The following ACLY variants were observed in gnomAD, a reference collection of about 807,000 sequenced individuals.
ACLY encodes ATP-citrate synthase.
ACLY carries 41 observed loss-of-function variants against 133.0 expected under a neutral mutation model. The ratio of observed to expected loss-of-function variants is 0.31; its 90% confidence interval spans 0.24 to 0.40. The LOEUF (loss-of-function observed/expected upper bound fraction) is 0.40, where lower values mean the gene tolerates loss of function less well. ACLY is among the 10% of genes least tolerant of loss of function. ACLY has a pLI of 1.00. For synonymous variants in ACLY, 495 were observed against 549.3 expected (o/e 0.90, Z 1.38); for missense variants, 1,046 against 1,453.8 (o/e 0.72, Z 4.56).
chr17:41,889,832 T>A (rs1169630826), intron 16 of ACLY, among the ~76,000 whole-genome samples: 1 of 151,950 alleles, frequency 6.6e-6, no homozygotes, highest in Non-Finnish European at 1.5e-5. Flanking sequence ...ACTACAGGTG[T>A]CTGCCACCAT....
At chr17:41,910,792 A>G (rs895094384) in intron 3 of ACLY, among the ~76,000 whole-genome samples, 1 of 152,192 alleles carries the variant, frequency 6.6e-6, no homozygotes. Flanking sequence ...CTGCAGAGCT[A>G]ATCAGTTCGA....
chr17:41,913,998 C>T (rs2049981032), intron 1 of ACLY, 102 bp from the exon 2 acceptor site: 3 of 1,149,134 alleles, frequency 2.6e-6, no homozygotes, highest in Admixed American at 2.2e-5. Context: ...GACAATAAAA[C>T]CAGATCTCAG....
chr17:41,913,464 TAA>T (rs1282492699), intron 2 of ACLY, among the ~76,000 whole-genome samples: 1 of 152,230 alleles, frequency 6.6e-6, no homozygotes, highest in Non-Finnish European at 1.5e-5. Context: ...ACATGGTTAA[TAA>T]ACACAGCTTT....
rs2048503974 is a variant in ACLY at position 41,867,912 on chromosome 17, G to A, written c.3212-8C>T. On this transcript the variant is annotated splice_polypyrimidine_tract_variant and splice_region_variant and intron_variant, in intron 28 of 28. Transcript: ENST00000352035. ...TCTGATCAAGATAGTGTCCTAAAAT[G>A]AAGCAAACACATCTTTTTTATTAGA... 6.3e-6 allele frequency: 10 copies of A among 1,595,900 alleles called. No individual in the cohort carries two copies. Among genetic ancestry groups the A allele is most frequent in the African/African-American group, 1.3e-5 (1 of 74,150 alleles).
Position 41,867,893 on chromosome 17 carries a change from C to T in ACLY, c.3223G>A (p.Asp1075Asn). 6.2e-7 allele frequency: 1 copy of T among 1,609,666 alleles called. No individual in the cohort carries two copies. The highest frequency in any genetic ancestry group is 8.5e-7 in the Non-Finnish European group (1 of 1,177,766). The change falls in exon 29 of 29, where the codon GAT becomes AAT. Residue 1075 changes from aspartate to asparagine, a missense_variant. Asp to Asn is a conservative substitution (Grantham distance 23). Transcript: ENST00000352035. Reference protein sequence around the residue: ...RSMGFIGHYLDQKRLKQGLYR... With the variant: ...RSMGFIGHYLNQKRLKQGLYR... ...AGCCCCTGCTTCAGCCTCTTCTGAT[C>T]AAGATAGTGTCCTAAAATGAAGCAA...
At chr17:41,878,733 C>A in intron 21 of ACLY, 64 bp downstream of exon 21, 1 of 1,602,116 alleles carries the variant, frequency 6.2e-7, no homozygotes, top group Non-Finnish European at 8.5e-7. Flanking sequence ...GTGGGAGAGG[C>A]TGCTGTCTCA....
At chr17:41,872,414 C>A (rs1434842929) in intron 23 of ACLY, among the ~76,000 whole-genome samples, 1 of 152,192 alleles carries the variant, frequency 6.6e-6, no homozygotes, top group East Asian at 1.9e-4. Context: ...CAACCTCCAC[C>A]TCCTAGGTTC....
In ACLY at chr17:41,911,701, G is replaced by A. The variant is rs568948783; in HGVS notation, c.282+719C>T. 4.9e-4 allele frequency among the ~76,000 whole-genome samples: 74 copies of A among 152,144 alleles called. No homozygotes were observed. The Middle Eastern group carries it at 0.014, about 28-fold the overall frequency. On this transcript the variant is annotated intron_variant, in intron 3 of 28. Coordinates refer to ENST00000352035, the MANE Select transcript of ACLY (RefSeq NM_001096.3). Reference sequence around the variant, plus strand: ...GATGGTGGCATGCACCTATAGTCCCGGATACTCAGGAAGCTGAGGTGGGAG... The same window carrying A: ...GATGGTGGCATGCACCTATAGTCCCAGATACTCAGGAAGCTGAGGTGGGAG...
rs782215204 is a variant in ACLY at position 41,913,809 on chromosome 17, G to A, written c.65C>T (p.Thr22Ile). Reference protein sequence around the residue: ...KELLYKFICTTSAIQNRFKYA... With the variant: ...KELLYKFICTISAIQNRFKYA... ...CTTGAACCGATTCTGGATGGCTGAG[G>A]TGGTACAGATGAACTTGTAAAGGAG... The change falls in exon 2 of 29, where the codon ACC becomes ATC. Residue 22 changes from threonine (T) to isoleucine (I), a missense_variant. Around this residue, in one of 4 missense-constraint regions of ACLY, gnomAD observed 227 missense variants for 245.6 expected, o/e 0.92. Coordinates refer to ENST00000352035, the MANE Select transcript of ACLY (RefSeq NM_001096.3). 5 of 1,614,254 alleles carry A rather than the reference G, an allele frequency of 3.1e-6. No individual in the cohort carries two copies. Among genetic ancestry groups the A allele is most frequent in the East Asian group, 4.5e-5 (2 of 44,884 alleles).
At position 41,867,708 on chromosome 17, in the gene ACLY, C is replaced by T; in HGVS notation, c.*102G>A. ...CCCCAGTGGCTGTTTACATTCCAGG[C>T]CCCTGCTAAATAAAGCAGGCTCCAC... On this transcript the variant is annotated 3_prime_UTR_variant, in exon 29 of 29. Coordinates refer to ENST00000352035, the MANE Select transcript of ACLY (RefSeq NM_001096.3). 1.1e-6 allele frequency: 1 copy of T among 881,996 alleles called. No homozygotes were observed. The highest frequency in any genetic ancestry group is 1.7e-6 in the Non-Finnish European group (1 of 580,386). 54.6% of individuals were successfully genotyped at this position (881,996 alleles called of 1,614,324 possible).
At chr17:41,913,955 C>T in intron 1 of ACLY, 59 bp from the exon 2 acceptor site, 1 of 1,550,810 alleles carries the variant, frequency 6.4e-7, no homozygotes, top group Non-Finnish European at 8.8e-7. Flanking sequence ...ACTATCTTCC[C>T]CAGCAGGGCA....
chr17:41,909,532 G>T lies in ACLY; in HGVS notation c.514C>A (p.His172Asn). The T allele has an allele frequency of 6.2e-7, 1 of 1,614,090 alleles. No individual in the cohort carries two copies. The highest frequency in any genetic ancestry group is 8.5e-7 in the Non-Finnish European group (1 of 1,180,002). ...AACTCTTTCTTGTCTTCAGGGGCGT[G>T]GACCAACAGGTGTTTTTTGATGTCC... ...PEDIKKHLLV[H>N]APEDKKEILA... Residue 172 changes from histidine to asparagine, a missense_variant, in exon 5 of 29, where the codon CAC becomes AAC. His to Asn is a moderately conservative substitution (Grantham distance 68). Coordinates refer to ENST00000352035, the MANE Select transcript of ACLY (RefSeq NM_001096.3).
At chr17:41,925,013 T>G (rs1247865526) in intron 1 of ACLY, among the ~76,000 whole-genome samples, 2 of 145,730 alleles carry the variant, frequency 1.4e-5, no homozygotes, top group Non-Finnish European at 3.0e-5. Context: ...ACGTTTAAAC[T>G]TATCTCTGAA....
intron 3 of ACLY, 95 bp from the exon 4 acceptor site, chr17:41,910,379 TC>T: frequency 9.7e-7 from 1 of 1,028,554 alleles, no homozygotes; most frequent in Non-Finnish European, 1.5e-6. Flanking sequence ...GCCCAAGCAC[TC>T]CCACCACCAC....
At chr17:41,871,630 CA>C in intron 25 of ACLY, 58 bp downstream of exon 25, 1 of 1,603,596 alleles carries the variant, frequency 6.2e-7, no homozygotes, top group Non-Finnish European at 8.5e-7. Flanking sequence ...GCTGTGATTA[CA>C]GGCATGGGCC....
intron 10 of ACLY, among the ~76,000 whole-genome samples, chr17:41,904,150 A>T (rs1396274020): frequency 8.0e-6 from 1 of 124,322 alleles, no homozygotes; most frequent in Non-Finnish European, 1.6e-5. Flanking sequence ...GGAGGAAAGG[A>T]GGGAGGAAGA....
chr17:41,898,881 G>T lies in ACLY; in HGVS notation c.1184-96C>A, dbSNP rs1378097945. The T allele has an allele frequency of 6.3e-6, 8 of 1,263,316 alleles. No homozygotes were observed. The South Asian group carries it at 7.1e-5, about 11-fold the overall frequency. 78.3% of individuals were successfully genotyped at this position (1,263,316 alleles called of 1,614,324 possible). On this transcript the variant is annotated intron_variant, in intron 11 of 28. Transcript: ENST00000352035. The stretch of plus-strand genomic sequence containing the variant: ...AAAGGGCCTTTTACAGCCATGATCA[G>T]TGTTTGGCGCATTCAGTGCAAGACC...
upstream of ACLY, among the ~76,000 whole-genome samples, chr17:41,920,507 C>G (rs782294170): frequency 6.0e-5 from 9 of 149,890 alleles, no homozygotes; most frequent in African/African-American, 2.2e-4. Context: ...ATGAGAATCG[C>G]TTAAACCCGG....
chr17:41,930,026 TGGA>T (rs1273771317), intron 1 of ACLY, among the ~76,000 whole-genome samples: 2 of 152,194 alleles, frequency 1.3e-5, no homozygotes, highest in African/African-American at 2.4e-5. Flanking sequence ...AGTCCACTTT[TGGA>T]GGAGTGGTGA....
Sources: allele counts gnomAD v4.1 joint callset (sites outside exome capture counted in the v4.1 genomes callset), GRCh38; gene constraint gnomAD v4.1.1; regional missense constraint gnomAD v4.1.1; transcripts MANE v1.5; gene names NCBI Gene and HGNC (gene_info 2026-07-23, HGNC 2026-07-21).